NCF2: variants seen among roughly 807,000 people sequenced by gnomAD.
NCF2 encodes neutrophil cytosolic factor 2, also known as neutrophil cytosol factor 2.
Under a neutral mutation model 70.9 loss-of-function variants are expected in NCF2, and 45 were observed. The observed-to-expected ratio is 0.63, with a 90% CI of 0.50 to 0.81. The LOEUF (loss-of-function observed/expected upper bound fraction) is 0.81, where lower values mean the gene tolerates loss of function less well. NCF2 is among the 40% of genes least tolerant of loss of function. The pLI is 0.00. For synonymous variants in NCF2, 203 were observed against 233.6 expected (o/e 0.87, Z 1.19); for missense variants, 522 against 631.6 (o/e 0.83, Z 1.86).
chr1:183,586,050 T>C (rs1047077495), intron 2 of NCF2, among the ~76,000 whole-genome samples: 10 of 152,210 alleles, frequency 6.6e-5, no homozygotes, highest in Admixed American at 5.9e-4. Flanking sequence ...AAATTTAACA[T>C]CTGGCTGGGC....
chr1:183,560,529 T>TG (rs1217928408), intron 13 of NCF2, among the ~76,000 whole-genome samples: 3 of 152,104 alleles, frequency 2.0e-5, no homozygotes, highest in Non-Finnish European at 2.9e-5. Context: ...GGTGGTGGGT[T>TG]GGGGGGTGGT....
chr1:183,557,570 C>CTGT (rs1671847274), intron 14 of NCF2, among the ~76,000 whole-genome samples: 1 of 152,240 alleles, frequency 6.6e-6, no homozygotes, highest in African/African-American at 2.4e-5. Context: ...GAACTCCCCT[C>CTGT]TGTCCTACCC....
At chr1:183,591,639 C>T (rs184450964), upstream of NCF2, among the ~76,000 whole-genome samples, 2 of 152,176 alleles carry the variant, frequency 1.3e-5, no homozygotes, top group East Asian at 1.9e-4. Flanking sequence ...CCTGCCACCA[C>T]GCCCTGCTAA....
chr1:183,582,364 G>A (rs1057099651), intron 2 of NCF2, among the ~76,000 whole-genome samples: 5 of 152,174 alleles, frequency 3.3e-5, no homozygotes, highest in African/African-American at 9.7e-5. Context: ...CCCTTGGGGC[G>A]CCTTGGCTGC....
rs1247419165 is a variant in NCF2, at chr1:183,555,602, T to G, written c.*516A>C. ...AACAAGTTTATTTGTATATGCCTTA[T>G]GAGTAACCTATAAGGTTACTTCAAG... On this transcript the variant is annotated 3_prime_UTR_variant, in exon 15 of 15. Coordinates refer to ENST00000367535, the MANE Select transcript of NCF2 (RefSeq NM_000433.4). 6.2e-6 allele frequency: 1 copy of G among 162,182 alleles called. No individual in the cohort carries two copies. Among genetic ancestry groups the G allele is most frequent in the Non-Finnish European group, 1.4e-5 (1 of 73,226 alleles). 10.0% of individuals were successfully genotyped at this position (162,182 alleles called of 1,614,324 possible). A position where few individuals can be genotyped will look rare whatever the true frequency, so the allele number is the denominator to read the frequency against.
intron 6 of NCF2, 30 bp downstream of exon 6, chr1:183,570,750 G>T: frequency 6.2e-7 from 1 of 1,610,040 alleles, no homozygotes; most frequent in South Asian, 1.1e-5. Context: ...TCGAGACCTA[G>T]GTCCATGGAG....
At chr1:183,559,094 G>T (rs1031018116) in intron 14 of NCF2, among the ~76,000 whole-genome samples, 1 of 152,164 alleles carries the variant, frequency 6.6e-6, no homozygotes, top group Non-Finnish European at 1.5e-5. Context: ...CTGGAAACTT[G>T]GTAGAAATGC....
At chr1:183,563,360 A>G in intron 12 of NCF2, 54 bp from the exon 13 acceptor site, 2 of 1,613,706 alleles carry the variant, frequency 1.2e-6, no homozygotes, top group South Asian at 1.1e-5. Context: ...CACAAAAACC[A>G]TCCTCCTCTT....
chr1:183,559,990 T>C, intron 14 of NCF2, 106 bp downstream of exon 14: 1 of 1,288,922 alleles, frequency 7.8e-7, no homozygotes, highest in East Asian at 2.3e-5. Flanking sequence ...TTGAAAACAC[T>C]GGCTAAAGTT....
At chr1:183,590,025 C>T in intron 1 of NCF2, 131 bp downstream of exon 1, 2 of 1,380,030 alleles carry the variant, frequency 1.4e-6, no homozygotes, top group African/African-American at 1.4e-5. Flanking sequence ...ATCAGGCTGT[C>T]TAGGGGTGGA....
chr1:183,563,602 CAA>C lies in NCF2; in HGVS notation c.1027-19_1027-18del. The C allele has an allele frequency of 1.2e-6, 2 of 1,612,730 alleles. No homozygotes were observed. Among genetic ancestry groups the C allele is most frequent in the Non-Finnish European group, 1.7e-6 (2 of 1,179,980 alleles). ...CTTCACTTCCTGAGTGGGGAGGAAA[CAA>C]AGGGAACTCCTGAGTGTCTGAGGCT... On this transcript the variant is annotated intron_variant, in intron 11 of 14. Transcript: ENST00000367535.
chr1:183,556,370 A>C (rs562428154), intron 14 of NCF2, 140 bp from the exon 15 acceptor site: 8 of 763,944 alleles, frequency 1.0e-5, no homozygotes, highest in African/African-American at 6.8e-5. Flanking sequence ...CAGTATTGCA[A>C]AGTGGTTTGA....
chr1:183,557,984 C>T (rs948251820), intron 14 of NCF2, among the ~76,000 whole-genome samples: 2 of 152,098 alleles, frequency 1.3e-5, no homozygotes, highest in Non-Finnish European at 2.9e-5. Context: ...AAGTGATTCT[C>T]CTGCCTCAGC....
At chr1:183,585,729 A>C (rs1157952880) in intron 2 of NCF2, among the ~76,000 whole-genome samples, 1 of 152,156 alleles carries the variant, frequency 6.6e-6, no homozygotes, top group Non-Finnish European at 1.5e-5. Flanking sequence ...CCCATGCCCC[A>C]AAACATTTGA....
intron 1 of NCF2, among the ~76,000 whole-genome samples, chr1:183,589,389 T>C (rs1673532781): frequency 6.6e-6 from 1 of 152,230 alleles, no homozygotes; most frequent in Non-Finnish European, 1.5e-5. Context: ...ATAGGCTACA[T>C]AGCTTGCTTA....
In NCF2 at chr1:183,590,330, G is replaced by A; in HGVS notation, c.-1C>T. On this transcript the variant is annotated 5_prime_UTR_variant, in exon 1 of 15. Coordinates refer to ENST00000367535, the MANE Select transcript of NCF2 (RefSeq NM_000433.4). Reference sequence around the variant, plus strand: ...GGCTGATGGCCTCCACCAGGGACATGATTAGGTAGAAACTAGGAGGCCAAG... The same window carrying A: ...GGCTGATGGCCTCCACCAGGGACATAATTAGGTAGAAACTAGGAGGCCAAG... 6.2e-7 allele frequency: 1 copy of A among 1,614,152 alleles called. No homozygotes were observed. Among genetic ancestry groups the A allele is most frequent in the East Asian group, 2.2e-5 (1 of 44,876 alleles).
chr1:183,563,509 G>C lies in NCF2; in HGVS notation c.1103C>G (p.Pro368Arg). 2 of 1,614,132 alleles carry C rather than the reference G, an allele frequency of 1.2e-6. No homozygotes were observed. Among genetic ancestry groups the C allele is most frequent in the Non-Finnish European group, 1.7e-6 (2 of 1,180,028 alleles). The change falls in exon 12 of 15, where the codon CCC (proline) becomes CGC (arginine). Residue 368 changes from proline to arginine, a missense_variant. Pro to Arg is a moderately radical substitution (Grantham distance 103). Coordinates refer to ENST00000367535, the MANE Select transcript of NCF2 (RefSeq NM_000433.4). The stretch of plus-strand genomic sequence containing the variant: ...CCGGACCTGGCTGTAGGGGAGCCCG[G>C]GCTGAGTCTTCATGACTACCGTGTA... ...YKYTVVMKTQ[P>R]GLPYSQVRDM...
intron 5 of NCF2, among the ~76,000 whole-genome samples, chr1:183,571,944 G>T (rs1342930808): frequency 6.6e-6 from 1 of 152,116 alleles, no homozygotes. Context: ...CCTTTTTATG[G>T]CTACGTAGTA....
At chr1:183,574,749 A>T (rs1399655781) in intron 3 of NCF2, 128 bp from the exon 4 acceptor site, 2 of 1,114,488 alleles carry the variant, frequency 1.8e-6, no homozygotes, top group Non-Finnish European at 2.7e-6. Context: ...TCTCCTGGGA[A>T]TATCTAAAAT....
Sources: gnomAD v4.1 joint callset for allele counts (sites outside exome capture counted in the v4.1 genomes callset) on GRCh38, gnomAD v4.1.1 for gene constraint, MANE v1.5 for transcripts, NCBI Gene and HGNC (gene_info 2026-07-23, HGNC 2026-07-21) for gene names.